Variants in CDH18 observed in about 807,000 individuals in gnomAD.
CDH18 encodes cadherin-18.
CDH18 carries 31 observed loss-of-function variants against 67.9 expected under a neutral mutation model. The ratio of observed to expected loss-of-function variants is 0.46; its 90% CI spans 0.34 to 0.62. The LOEUF is 0.62. CDH18 is among the 20% of genes least tolerant of loss of function. The pLI is 0.01. For missense variants in CDH18, 890 were observed against 975.5 expected, an observed-to-expected ratio of 0.91 and a Z score of 1.17; for synonymous variants, 362 against 347.2, an observed-to-expected ratio of 1.04 and a Z score of -0.48.
chr5:19,552,626 A>G (rs750451840), intron 8 of CDH18, among the ~76,000 whole-genome samples: 2 of 152,206 alleles, frequency 1.3e-5, no homozygotes, highest in Non-Finnish European at 2.9e-5. Context: ...TTCACTAAAC[A>G]CTACTGTGAA....
chr5:20,544,191 T>C (rs1294317360), intron 1 of CDH18, among the ~76,000 whole-genome samples: 1 of 142,796 alleles, frequency 7.0e-6, no homozygotes, highest in Non-Finnish European at 1.5e-5. Context: ...TTTACAAAAT[T>C]TCGAGAGACA....
At chr5:20,036,955 T>G (rs994783355) in intron 2 of CDH18, among the ~76,000 whole-genome samples, 2 of 152,098 alleles carry the variant, frequency 1.3e-5, no homozygotes, top group Non-Finnish European at 2.9e-5. Context: ...TTTTTTGCTT[T>G]CCATTTGCTT....
At chr5:20,187,962 C>G (rs906694705) in intron 2 of CDH18, among the ~76,000 whole-genome samples, 5 of 151,408 alleles carry the variant, frequency 3.3e-5, no homozygotes, top group Admixed American at 6.6e-5. Context: ...CTAAAAATTG[C>G]CAACTGAATA....
At chr5:19,724,966 A>T (rs112417653) in intron 4 of CDH18, among the ~76,000 whole-genome samples, 2,553 of 144,558 alleles carry the variant, frequency 0.018, 42 homozygotes, top group African/African-American at 0.048. Context: ...TCCTTCTGTC[A>T]CCTAGGCTGG....
intron 9 of CDH18, among the ~76,000 whole-genome samples, chr5:19,524,358 T>A (rs116533288): frequency 0.054 from 8,170 of 150,140 alleles, 299 homozygotes; most frequent in Non-Finnish European, 0.08. Flanking sequence ...ATTAAATTAC[T>A]TGCTTTAAAT....
chr5:19,753,460 CA>C (rs1771120154), intron 3 of CDH18, among the ~76,000 whole-genome samples: 1 of 152,056 alleles, frequency 6.6e-6, no homozygotes, highest in African/African-American at 2.4e-5. Flanking sequence ...CAAATTAACC[CA>C]ATCCAACAAA....
At chr5:20,338,417 G>A (rs1328054560) in intron 1 of CDH18, among the ~76,000 whole-genome samples, 1 of 152,158 alleles carries the variant, frequency 6.6e-6, no homozygotes, top group East Asian at 1.9e-4. Flanking sequence ...TCCTTGGGGA[G>A]CTTCATCAAC....
intron 5 of CDH18, among the ~76,000 whole-genome samples, chr5:19,676,993 T>C (rs532836461): frequency 2.0e-5 from 3 of 152,098 alleles, no homozygotes; most frequent in South Asian, 2.1e-4. Context: ...TGCCCTTCAG[T>C]CAAAATAAAA....
chr5:19,693,526 T>C (rs963877323), intron 5 of CDH18, among the ~76,000 whole-genome samples: 2 of 152,208 alleles, frequency 1.3e-5, no homozygotes, highest in African/African-American at 4.8e-5. Flanking sequence ...TGCCTGACTT[T>C]GGCATCTTAT....
Position 20,206,900 on chromosome 5 carries a change from CAG to C in CDH18, c.-518+48542_-518+48543del, listed in dbSNP as rs1407509537. On this transcript the variant is annotated intron_variant, in intron 2 of 14. Transcript: ENST00000507958. Reference sequence around the variant, plus strand: ...ACCCCACAACTAATATCATACTGAACAGGGGAAAATTGAAATTTCTTTCTCTA... The same window carrying C: ...ACCCCACAACTAATATCATACTGAACGGGAAAATTGAAATTTCTTTCTCTA... Among the ~76,000 whole-genome samples the C allele has an allele frequency of 5.9e-5, 9 of 151,820 alleles. No individual in the cohort carries two copies. In the South Asian group the frequency reaches 1.9e-3, roughly 31 times the overall value.
intron 3 of CDH18, among the ~76,000 whole-genome samples, chr5:19,812,631 A>C (rs79752189): frequency 8.9e-4 from 135 of 151,604 alleles, no homozygotes; most frequent in East Asian, 2.5e-3. Context: ...CTAATCAACA[A>C]AAATTTGTTA....
At chr5:19,474,201 A>T (rs1426286369) in intron 12 of CDH18, among the ~76,000 whole-genome samples, 1 of 152,112 alleles carries the variant, frequency 6.6e-6, no homozygotes, top group Non-Finnish European at 1.5e-5. Flanking sequence ...TTAAATTTTG[A>T]TGCTTTGTAG....
At chr5:19,761,861 C>A (rs1160226693) in intron 3 of CDH18, among the ~76,000 whole-genome samples, 1 of 152,114 alleles carries the variant, frequency 6.6e-6, no homozygotes, top group Non-Finnish European at 1.5e-5. Context: ...GCTACAGTAA[C>A]CAAAACAGCA....
At chr5:19,590,484 G>GGATAGACAGATA (rs1554054152) in intron 7 of CDH18, among the ~76,000 whole-genome samples, 1 of 149,702 alleles carries the variant, frequency 6.7e-6, no homozygotes, top group Non-Finnish European at 1.5e-5. Context: ...CTAGACAGAT[G>GGATAGACAGATA]GATAGATAGA....
At chr5:20,473,953 A>G (rs984013578) in intron 1 of CDH18, among the ~76,000 whole-genome samples, 4 of 152,124 alleles carry the variant, frequency 2.6e-5, no homozygotes, top group African/African-American at 9.7e-5. Flanking sequence ...GAATTTGTAA[A>G]TGCTGTTCAC....
chr5:20,423,452 CAG>C (rs1374464232), intron 1 of CDH18, among the ~76,000 whole-genome samples: 4 of 150,882 alleles, frequency 2.7e-5, no homozygotes, highest in Admixed American at 6.6e-5. Context: ...CAAATATTGT[CAG>C]AGAGTTGTGG....
chr5:20,185,557 C>T (rs1320749419), intron 2 of CDH18, among the ~76,000 whole-genome samples: 2 of 152,002 alleles, frequency 1.3e-5, no homozygotes, highest in Non-Finnish European at 2.9e-5. Flanking sequence ...CCTCACTGGA[C>T]CCCCTACTGG....
At chr5:20,480,878 G>A (rs1752758364) in intron 1 of CDH18, among the ~76,000 whole-genome samples, 1 of 152,094 alleles carries the variant, frequency 6.6e-6, no homozygotes, top group Non-Finnish European at 1.5e-5. Context: ...AATAAAAAGT[G>A]AGAAATTGAA....
intron 11 of CDH18, among the ~76,000 whole-genome samples, chr5:19,483,756 C>T (rs1169054032): frequency 2.0e-5 from 3 of 152,060 alleles, no homozygotes; most frequent in African/African-American, 7.2e-5. Context: ...TTAATACAGC[C>T]ACACTAAAGA....
Sources: gnomAD v4.1 joint callset for allele counts (sites outside exome capture counted in the v4.1 genomes callset) on GRCh38, gnomAD v4.1.1 for gene constraint, MANE v1.5 for transcripts, NCBI Gene and HGNC (gene_info 2026-07-23, HGNC 2026-07-21) for gene names.